Variants in SLC27A4 observed in about 807,000 individuals in gnomAD.
SLC27A4 encodes the protein long-chain fatty acid transport protein 4.
SLC27A4 carries 33 observed loss-of-function variants against 64.4 expected under a neutral mutation model. That is an observed-to-expected ratio of 0.51 (90% CI 0.39 to 0.68). The LOEUF (loss-of-function observed/expected upper bound fraction) is 0.68, where lower values mean the gene tolerates loss of function less well. Ranked by LOEUF, SLC27A4 falls within the 30% of genes least tolerant of loss-of-function variation. The pLI is 0.00. For missense variants in SLC27A4, 824 were observed against 883.5 expected, an observed-to-expected ratio of 0.93 and a Z score of 0.85; for synonymous variants, 377 against 370.0, an observed-to-expected ratio of 1.02 and a Z score of -0.22.
chr9:128,344,521 A>G (rs1290978892), intron 2 of SLC27A4, among the ~76,000 whole-genome samples: 4 of 152,000 alleles, frequency 2.6e-5, no homozygotes, highest in Non-Finnish European at 5.9e-5. Flanking sequence ...GCCATCTCAA[A>G]AAAAAAAACA....
intron 6 of SLC27A4, among the ~76,000 whole-genome samples, chr9:128,350,889 C>T (rs926625467): frequency 1.3e-5 from 2 of 152,124 alleles, no homozygotes; most frequent in Admixed American, 6.6e-5. Context: ...GCCAGGAGTT[C>T]GAGACCATCC....
At chr9:128,352,885 AG>A in intron 7 of SLC27A4, 138 bp downstream of exon 7, 1 of 1,060,326 alleles carries the variant, frequency 9.4e-7, no homozygotes, top group Non-Finnish European at 1.4e-6. Flanking sequence ...CCCATTGTTC[AG>A]ATGGGAAGGC....
Position 128,340,794 on chromosome 9 carries a change from C to A in SLC27A4, c.-51C>A. The A allele has an allele frequency of 2.9e-6, 2 of 687,498 alleles. No homozygotes were observed. Among genetic ancestry groups the A allele is most frequent in the East Asian group, 2.9e-5 (1 of 34,406 alleles). The allele number at this position is 687,498 out of a possible 1,614,324, so 42.6% of individuals were successfully genotyped here. On this transcript the variant is annotated 5_prime_UTR_variant, in exon 1 of 13. Transcript: ENST00000300456. ...CTCACGCTGTCTACGCTGCTGCAAC[C>A]GGGCCGCATCTGGACGGGGCGCCGC... is the stretch of plus-strand genomic sequence containing the variant.
At chr9:128,346,687 G>A (rs1401753942) in intron 3 of SLC27A4, among the ~76,000 whole-genome samples, 3 of 151,772 alleles carry the variant, frequency 2.0e-5, no homozygotes, top group Admixed American at 2.0e-4. Flanking sequence ...GGCAGACAGA[G>A]TGAGACCCTG....
At chr9:128,356,145 A>G (rs1489534444) in intron 12 of SLC27A4, among the ~76,000 whole-genome samples, 2 of 152,200 alleles carry the variant, frequency 1.3e-5, no homozygotes, top group Non-Finnish European at 2.9e-5. Context: ...TTAGAGTTAA[A>G]CAGATAAAAA....
intron 12 of SLC27A4, among the ~76,000 whole-genome samples, chr9:128,357,233 G>A (rs1412068249): frequency 2.1e-5 from 3 of 145,394 alleles, no homozygotes; most frequent in African/African-American, 7.8e-5. Context: ...CTGCACTCCA[G>A]CCTGGGAGAC....
At chr9:128,341,515 C>T (rs1832571851) in intron 1 of SLC27A4, among the ~76,000 whole-genome samples, 1 of 152,164 alleles carries the variant, frequency 6.6e-6, no homozygotes, top group Admixed American at 6.5e-5. Context: ...AGGTCCTCCT[C>T]GCCTCCCTCA....
chr9:128,340,809 C>A lies in SLC27A4; in HGVS notation c.-36C>A. 2 of 686,440 alleles carry A rather than the reference C, an allele frequency of 2.9e-6. No homozygotes were observed. Among genetic ancestry groups the A allele is most frequent in the Non-Finnish European group, 5.4e-6 (2 of 371,924 alleles). 42.5% of individuals were successfully genotyped at this position (686,440 alleles called of 1,614,324 possible). A position where few individuals can be genotyped will look rare whatever the true frequency, so the allele number is the denominator to read the frequency against. On this transcript the variant is annotated 5_prime_UTR_variant, in exon 1 of 13. Transcript: ENST00000300456. ...CTGCTGCAACCGGGCCGCATCTGGA[C>A]GGGGCGCCGCGCGGCGGAGCCGACG...
In SLC27A4 at chr9:128,345,473, G is replaced by A. The variant is rs1832642338; in HGVS notation, c.480G>A (p.Leu160=). ...AGGCAGCCCTCATCAACACCAACCTGCGGCGGGATGCTCTGCTCCACTGCC... is the reference window on the plus strand; with the variant it reads ...AGGCAGCCCTCATCAACACCAACCTACGGCGGGATGCTCTGCTCCACTGCC... ...GVEAALINTN[L]RRDALLHCLT... The change falls in exon 3 of 13, where the codon CTG becomes CTA. Residue 160 remains leucine, a synonymous_variant. Coordinates refer to ENST00000300456, the MANE Select transcript of SLC27A4 (RefSeq NM_005094.4). The surrounding 1 kb of genome is among the most constrained non-coding windows in gnomAD (Gnocchi z 4.1). The A allele has an allele frequency of 6.2e-7, 1 of 1,613,082 alleles. No individual in the cohort carries two copies. The highest frequency in any genetic ancestry group is 1.3e-5 in the African/African-American group (1 of 75,056).
rs976959861 is a variant in SLC27A4 at position 128,353,653 on chromosome 9, T to G, written c.1324+112T>G. On this transcript the variant is annotated intron_variant, in intron 9 of 12. Transcript: ENST00000300456. The surrounding 1 kb of genome is among the most constrained non-coding windows in gnomAD (Gnocchi z 4.9). ...CAGTGGCCATCAGTTATCTCTGCTC[T>G]TAGGGTTACAAGTTACTCATTTATT... 6 of 1,122,100 alleles carry G rather than the reference T, an allele frequency of 5.3e-6. No individual in the cohort carries two copies. The African/African-American group carries it at 9.3e-5, about 17-fold the overall frequency. 69.5% of individuals were successfully genotyped at this position (1,122,100 alleles called of 1,614,324 possible).
chr9:128,348,465 G>C, intron 3 of SLC27A4, 80 bp from the exon 4 acceptor site: 2 of 1,568,616 alleles, frequency 1.3e-6, no homozygotes, highest in Non-Finnish European at 1.7e-6. Flanking sequence ...TCAGCAACAT[G>C]GCCAGCCCTG....
chr9:128,350,288 G>A (rs1429399571), intron 4 of SLC27A4, 24 bp from the exon 5 acceptor site: 2 of 1,610,086 alleles, frequency 1.2e-6, no homozygotes, highest in African/African-American at 2.7e-5. Flanking sequence ...GCCCCCGACA[G>A]CCACTCGCGT....
At chr9:128,354,622 G>A (rs960973113) in intron 9 of SLC27A4, among the ~76,000 whole-genome samples, 1 of 151,926 alleles carries the variant, frequency 6.6e-6, no homozygotes, top group African/African-American at 2.4e-5. Context: ...GGGCATTTCT[G>A]TGGCAAGCAG....
chr9:128,354,585 G>A (rs1200758876), intron 9 of SLC27A4, among the ~76,000 whole-genome samples: 2 of 152,100 alleles, frequency 1.3e-5, no homozygotes, highest in South Asian at 2.1e-4. Context: ...GACCTGCCAA[G>A]ATGAGCTCCT....
At position 128,355,077 on chromosome 9, in the gene SLC27A4, G is replaced by T. The variant is rs749429635; in HGVS notation, c.1349G>T (p.Arg450Leu). Reference protein sequence around the residue: ...QPGEPGQLVGRIIQKDPLRRF... With the variant: ...QPGEPGQLVGLIIQKDPLRRF... ...GGTGAGCCGGGCCAGCTGGTGGGCC[G>T]CATCATCCAGAAAGACCCCCTGCGC... Residue 450 changes from arginine (R) to leucine (L), a missense_variant, in exon 10 of 13, where the codon CGC becomes CTC. Transcript: ENST00000300456. The T allele has an allele frequency of 6.2e-7, 1 of 1,609,734 alleles. No homozygotes were observed. The highest frequency in any genetic ancestry group is 2.2e-5 in the East Asian group (1 of 44,622).
chr9:128,341,414 A>G (rs2131246632), intron 1 of SLC27A4, among the ~76,000 whole-genome samples: 1 of 152,342 alleles, frequency 6.6e-6, no homozygotes, highest in Non-Finnish European at 1.5e-5. Flanking sequence ...CCTGAAGCAC[A>G]GTCAAGTCAT....
rs146406949 is a variant in SLC27A4 at position 128,358,591 on chromosome 9, G to A, written c.1775-1743G>A. On this transcript the variant is annotated intron_variant, in intron 12 of 12. Transcript: ENST00000300456. ...CCCCAGTAGCTGGGATTACAGGCAC[G>A]TGCCACCACACCTGGCTAATTTTTG... 3.7e-3 allele frequency among the ~76,000 whole-genome samples: 566 copies of A among 152,230 alleles called. 17 individuals carry two copies. In the East Asian group the frequency reaches 0.085, roughly 23 times the overall value.
intron 12 of SLC27A4, among the ~76,000 whole-genome samples, chr9:128,358,420 G>T (rs1187200022): frequency 6.6e-6 from 1 of 152,174 alleles, no homozygotes; most frequent in African/African-American, 2.4e-5. Context: ...AACACTTTGG[G>T]ATTAAATTTT....
chr9:128,354,796 A>AT (rs546503803), intron 9 of SLC27A4, among the ~76,000 whole-genome samples: 28 of 151,534 alleles, frequency 1.8e-4, no homozygotes, highest in Admixed American at 4.6e-4. Flanking sequence ...AAAAATAAAA[A>AT]AAAAAAATTA....
Sources: gnomAD v4.1 joint callset for allele counts (sites outside exome capture counted in the v4.1 genomes callset) on GRCh38, gnomAD v4.1.1 for gene constraint, Gnocchi (gnomAD v3.1) non-coding constraint, MANE v1.5 for transcripts, NCBI Gene and HGNC (gene_info 2026-07-23, HGNC 2026-07-21) for gene names.